The following DYNC1I1 variants were observed in gnomAD, a reference collection of about 807,000 sequenced individuals.
The protein encoded by DYNC1I1 is dynein cytoplasmic 1 intermediate chain 1, also known as cytoplasmic dynein 1 intermediate chain 1.
In DYNC1I1, 43 loss-of-function variants were observed where a neutral mutation model predicts 86.6. The ratio of observed to expected loss-of-function variants is 0.50; its 90% CI spans 0.39 to 0.64. DYNC1I1 has a LOEUF of 0.64. DYNC1I1 is among the 30% of genes least tolerant of loss of function. The probability of loss-of-function intolerance (pLI) is 0.00; values close to 1 mark genes in which losing one functional copy is unlikely to be tolerated. For synonymous variants in DYNC1I1, 262 were observed against 283.7 expected (o/e 0.92, Z 0.77); for missense variants, 604 against 788.8 (o/e 0.77, Z 2.81).
intron 1 of DYNC1I1, among the ~76,000 whole-genome samples, chr7:95,779,759 A>G (rs1379296947): frequency 1.3e-5 from 2 of 152,170 alleles, no homozygotes. Context: ...CTTTTCTTAT[A>G]AGACTGAGTT....
chr7:95,870,009 T>C lies in DYNC1I1; in HGVS notation c.490+11T>C, dbSNP rs765827683. The stretch of plus-strand genomic sequence containing the variant: ...CGCATCAGTCTGAAGGTAAACTATG[T>C]CTTTGGCTTACTTTCCATATTATCT... On this transcript the variant is annotated intron_variant, in intron 6 of 16. Coordinates refer to ENST00000447467, the MANE Select transcript of DYNC1I1 (RefSeq NM_001135556.2). 6 of 1,601,202 alleles carry C rather than the reference T, an allele frequency of 3.7e-6. 1 individual carries two copies. In the South Asian group the frequency reaches 6.8e-5, roughly 18 times the overall value.
chr7:95,919,085 T>C (rs986622930), intron 6 of DYNC1I1, among the ~76,000 whole-genome samples: 1 of 152,214 alleles, frequency 6.6e-6, no homozygotes, highest in Admixed American at 6.5e-5. Context: ...AATGACAACA[T>C]GCTGATTGTT....
intron 1 of DYNC1I1, among the ~76,000 whole-genome samples, chr7:95,784,430 G>A (rs1794074893): frequency 6.6e-6 from 1 of 152,128 alleles, no homozygotes; most frequent in South Asian, 2.1e-4. Context: ...GTACGATGGA[G>A]GGGAGTCCGT....
intron 16 of DYNC1I1, among the ~76,000 whole-genome samples, chr7:96,085,886 T>C (rs530595952): frequency 6.6e-6 from 1 of 151,436 alleles, no homozygotes; most frequent in Non-Finnish European, 1.5e-5. Flanking sequence ...GGATAATAAG[T>C]CAAAAATTAA....
At chr7:95,850,323 TATG>T (rs1789543023) in intron 5 of DYNC1I1, among the ~76,000 whole-genome samples, 1 of 152,160 alleles carries the variant, frequency 6.6e-6, no homozygotes, top group Non-Finnish European at 1.5e-5. Flanking sequence ...CCCTATTGAG[TATG>T]ATGTTTGCTG....
At chr7:95,778,834 A>AT (rs974392233) in intron 1 of DYNC1I1, among the ~76,000 whole-genome samples, 10 of 150,578 alleles carry the variant, frequency 6.6e-5, no homozygotes, top group East Asian at 3.9e-4. Flanking sequence ...TGGTTAAAAA[A>AT]TTTTTTTTTT....
intron 6 of DYNC1I1, among the ~76,000 whole-genome samples, chr7:95,967,467 T>C (rs1793046023): frequency 6.6e-6 from 1 of 152,138 alleles, no homozygotes; most frequent in African/African-American, 2.4e-5. Context: ...TTTTGTTTCC[T>C]TTGCCTAGGT....
intron 6 of DYNC1I1, among the ~76,000 whole-genome samples, chr7:95,946,498 A>G (rs1336927102): frequency 6.6e-6 from 1 of 152,186 alleles, no homozygotes; most frequent in Non-Finnish European, 1.5e-5. Flanking sequence ...AAAAATCTTC[A>G]TCAGCACCCT....
intron 1 of DYNC1I1, among the ~76,000 whole-genome samples, chr7:95,773,191 GA>G (rs1215013490): frequency 1.3e-5 from 2 of 152,236 alleles, no homozygotes; most frequent in African/African-American, 4.8e-5. Context: ...AGAGGGAGGG[GA>G]AAGGATGCTG....
chr7:95,906,310 A>G (rs1205029527), intron 6 of DYNC1I1, among the ~76,000 whole-genome samples: 3 of 152,174 alleles, frequency 2.0e-5, no homozygotes, highest in Non-Finnish European at 2.9e-5. Context: ...CGGTTTCTGC[A>G]TCTAGGAGTA....
intron 14 of DYNC1I1, among the ~76,000 whole-genome samples, chr7:96,070,772 T>C (rs960931394): frequency 5.9e-5 from 9 of 152,156 alleles, no homozygotes; most frequent in Non-Finnish European, 1.3e-4. Flanking sequence ...CTAAATCCTA[T>C]TGGGATGCCT....
At chr7:95,904,645 A>G (rs755986454) in intron 6 of DYNC1I1, among the ~76,000 whole-genome samples, 1 of 152,126 alleles carries the variant, frequency 6.6e-6, no homozygotes, top group Non-Finnish European at 1.5e-5. Context: ...ATATATACAC[A>G]TATACACATG....
intron 6 of DYNC1I1, among the ~76,000 whole-genome samples, chr7:95,911,086 G>A (rs1055950532): frequency 6.6e-6 from 1 of 152,164 alleles, no homozygotes; most frequent in African/African-American, 2.4e-5. Context: ...TCTCACTCAA[G>A]TGTGGGGATA....
intron 9 of DYNC1I1, among the ~76,000 whole-genome samples, chr7:95,989,395 C>T (rs1793674867): frequency 6.6e-6 from 1 of 152,194 alleles, no homozygotes; most frequent in Admixed American, 6.5e-5. Flanking sequence ...CACTTTCCAC[C>T]AGTGTGTGGG....
intron 10 of DYNC1I1, among the ~76,000 whole-genome samples, chr7:96,025,840 C>CGGG (rs3216255): frequency 1.3e-5 from 2 of 150,128 alleles, no homozygotes; most frequent in African/African-American, 2.4e-5. Context: ...TACAAGCTTG[C>CGGG]GGGGGGGGGA....
At chr7:95,797,690 C>T (rs1033520949) in intron 1 of DYNC1I1, among the ~76,000 whole-genome samples, 1 of 152,176 alleles carries the variant, frequency 6.6e-6, no homozygotes. Flanking sequence ...TGCCGCTAAC[C>T]TTTAAGAAAC....
At chr7:96,027,772 A>G (rs1472370297) in intron 10 of DYNC1I1, among the ~76,000 whole-genome samples, 2 of 152,198 alleles carry the variant, frequency 1.3e-5, no homozygotes, top group African/African-American at 4.8e-5. Context: ...TGATGTGGCC[A>G]TGCTCTCAAA....
At chr7:96,000,888 C>A (rs1397822637) in intron 10 of DYNC1I1, among the ~76,000 whole-genome samples, 2 of 152,176 alleles carry the variant, frequency 1.3e-5, no homozygotes, top group African/African-American at 4.8e-5. Flanking sequence ...TATTTCTATA[C>A]CTCATGGAGT....
chr7:95,881,696 T>G (rs1354060876), intron 6 of DYNC1I1, among the ~76,000 whole-genome samples: 1 of 152,182 alleles, frequency 6.6e-6, no homozygotes, highest in South Asian at 2.1e-4. Flanking sequence ...TAATGGGAAA[T>G]AAGATTGAGC....
Sources: allele counts gnomAD v4.1 joint callset (sites outside exome capture counted in the v4.1 genomes callset), GRCh38; gene constraint gnomAD v4.1.1; transcripts MANE v1.5; gene names NCBI Gene and HGNC (gene_info 2026-07-23, HGNC 2026-07-21).